The following TMEM232 variants were observed in gnomAD, a reference collection of about 807,000 sequenced individuals.
The protein encoded by TMEM232 is transmembrane protein 232.
A neutral mutation model predicts 78.8 loss-of-function variants in TMEM232; 80 were observed. The ratio of observed to expected loss-of-function variants is 1.01; its 90% CI spans 0.85 to 1.22. The LOEUF is 1.22. TMEM232 is among the 50% of genes most tolerant of loss of function. TMEM232 has a pLI of 0.00. For synonymous variants in TMEM232, 297 were observed against 254.3 expected, an observed-to-expected ratio of 1.17 and a Z score of -1.60; for missense variants, 881 against 742.2, an observed-to-expected ratio of 1.19 and a Z score of -2.17.
chr5:110,718,508 C>T (rs540251643), intron 1 of TMEM232, among the ~76,000 whole-genome samples: 32 of 152,222 alleles, frequency 2.1e-4, no homozygotes, highest in African/African-American at 7.5e-4. Flanking sequence ...TTATCTCTTG[C>T]TGCTTTCCAG....
At chr5:110,549,692 G>A (rs1389303324) in intron 11 of TMEM232, among the ~76,000 whole-genome samples, 1 of 146,608 alleles carries the variant, frequency 6.8e-6, no homozygotes. Context: ...ATGAAAATAA[G>A]AAGGGTTAGG....
At chr5:110,717,382 T>G (rs570520385) in intron 1 of TMEM232, among the ~76,000 whole-genome samples, 1 of 152,146 alleles carries the variant, frequency 6.6e-6, no homozygotes, top group African/African-American at 2.4e-5. Flanking sequence ...CTTGGACCCA[T>G]GCTGATTTGA....
intron 1 of TMEM232, among the ~76,000 whole-genome samples, chr5:110,683,981 AAG>A: frequency 6.6e-6 from 1 of 152,044 alleles, no homozygotes; most frequent in Admixed American, 6.6e-5. Flanking sequence ...ATATATGCCA[AAG>A]AATAATTCCA....
intron 1 of TMEM232, among the ~76,000 whole-genome samples, chr5:110,698,788 G>A (rs905907541): frequency 1.3e-5 from 2 of 152,068 alleles, no homozygotes; most frequent in African/African-American, 4.8e-5. Context: ...AGAAAAGTAA[G>A]GTCAACCAAG....
At chr5:110,611,172 T>C (rs1782226271) in intron 8 of TMEM232, among the ~76,000 whole-genome samples, 1 of 152,140 alleles carries the variant, frequency 6.6e-6, no homozygotes, top group Non-Finnish European at 1.5e-5. Context: ...CAAGATTATA[T>C]TAACAGACTA....
intron 1 of TMEM232, among the ~76,000 whole-genome samples, chr5:110,719,936 A>T (rs542897059): frequency 6.6e-6 from 1 of 152,282 alleles, no homozygotes; most frequent in South Asian, 2.1e-4. Flanking sequence ...TGATCCAATT[A>T]AATTCAGGCA....
chr5:110,489,466 T>C (rs1764804237), intron 12 of TMEM232, among the ~76,000 whole-genome samples: 1 of 151,992 alleles, frequency 6.6e-6, no homozygotes, highest in Non-Finnish European at 1.5e-5. Context: ...CACTTTATAA[T>C]AAGAGAACAC....
intron 11 of TMEM232, among the ~76,000 whole-genome samples, chr5:110,543,645 C>T (rs181334342): frequency 3.3e-5 from 5 of 152,170 alleles, no homozygotes; most frequent in Admixed American, 2.0e-4. Flanking sequence ...TAACGCAGAT[C>T]ATAAAGGATG....
intron 10 of TMEM232, among the ~76,000 whole-genome samples, chr5:110,589,228 T>C (rs565169597): frequency 5.1e-4 from 78 of 152,162 alleles, no homozygotes; most frequent in Non-Finnish European, 7.2e-4. Context: ...TTTACTATCA[T>C]GTTTAACAGC....
At chr5:110,595,259 C>T (rs754546171) in intron 10 of TMEM232, among the ~76,000 whole-genome samples, 2 of 152,140 alleles carry the variant, frequency 1.3e-5, no homozygotes, top group East Asian at 3.9e-4. Flanking sequence ...CTCAAAAACA[C>T]TATCCAAAAG....
chr5:110,641,078 T>C, intron 3 of TMEM232, 82 bp from the exon 4 acceptor site: 1 of 848,694 alleles, frequency 1.2e-6, no homozygotes. Context: ...TTAATTGTGC[T>C]CCAAAAGTCA....
chr5:110,732,430 AC>A (rs1295110737), intron 2 of TMEM232, among the ~76,000 whole-genome samples: 1 of 152,222 alleles, frequency 6.6e-6, no homozygotes, highest in East Asian at 1.9e-4. Flanking sequence ...AAAACTGGGA[AC>A]AAAAAGAGGT....
intron 7 of TMEM232, 26 bp downstream of exon 7, chr5:110,625,241 T>C: frequency 6.7e-7 from 1 of 1,491,722 alleles, no homozygotes. Flanking sequence ...GGCAACAGGA[T>C]ATACCCACCA....
At chr5:110,697,892 A>T (rs1794986504) in intron 1 of TMEM232, among the ~76,000 whole-genome samples, 1 of 151,960 alleles carries the variant, frequency 6.6e-6, no homozygotes, top group Admixed American at 6.6e-5. Flanking sequence ...TTCCTCAAGG[A>T]CCTAGAACTA....
rs183036963 is a variant in TMEM232 at position 110,438,518 on chromosome 5, C to T, written c.1704-13602G>A. ...ACTTAACATTGTTCATCTAATGTCA[C>T]GCTACTTTCTATAAGGTTCTTTTAT... On this transcript the variant is annotated intron_variant, in intron 12 of 13. Transcript: ENST00000455884. Among the ~76,000 whole-genome samples, 111 of 151,984 alleles carry T rather than the reference C, an allele frequency of 7.3e-4. 2 individuals carry two copies. Among genetic ancestry groups the T allele is most frequent in the African/African-American group, 2.4e-3 (101 of 41,480 alleles).
intron 4 of TMEM232, among the ~76,000 whole-genome samples, chr5:110,388,390 G>A: frequency 6.6e-6 from 1 of 152,086 alleles, no homozygotes; most frequent in East Asian, 1.9e-4. Flanking sequence ...ATTCCTATCG[G>A]CACAACTGCT....
intron 2 of TMEM232, among the ~76,000 whole-genome samples, chr5:110,648,054 A>T (rs774731881): frequency 2.0e-5 from 3 of 152,040 alleles, no homozygotes; most frequent in Non-Finnish European, 4.4e-5. Flanking sequence ...GGACTCATAT[A>T]CAGAAGATAC....
At chr5:110,476,610 G>A (rs942542317) in intron 12 of TMEM232, among the ~76,000 whole-genome samples, 4 of 151,970 alleles carry the variant, frequency 2.6e-5, no homozygotes, top group Admixed American at 6.6e-5. Context: ...AAATGTTATT[G>A]TAATGATTCT....
chr5:110,677,904 C>T (rs1037112815), intron 1 of TMEM232, among the ~76,000 whole-genome samples: 13 of 151,990 alleles, frequency 8.6e-5, no homozygotes, highest in East Asian at 1.9e-4. Context: ...TGGAGAGATA[C>T]GTTAGTTCAT....
Sources: allele counts gnomAD v4.1 joint callset (sites outside exome capture counted in the v4.1 genomes callset), GRCh38; gene constraint gnomAD v4.1.1; transcripts MANE v1.5; gene names NCBI Gene and HGNC (gene_info 2026-07-23, HGNC 2026-07-21).